The following MAST4 variants were observed in gnomAD, a reference collection of about 807,000 sequenced individuals.
The protein encoded by MAST4 is microtubule associated serine/threonine kinase family member 4, also known as microtubule-associated serine/threonine-protein kinase 4.
A neutral mutation model predicts 162.7 loss-of-function variants in MAST4; 89 were observed. That is an observed-to-expected ratio of 0.55 (90% confidence interval 0.46 to 0.65). MAST4 has a LOEUF of 0.65. MAST4 is among the 30% of genes least tolerant of loss of function. The pLI, the probability that MAST4 is intolerant of heterozygous loss-of-function variation, is 0.00. For synonymous variants in MAST4, 1,479 were observed against 1,361.1 expected (o/e 1.09, Z -1.91); for missense variants, 3,153 against 3,374.0 (o/e 0.93, Z 1.62).
intron 1 of MAST4, among the ~76,000 whole-genome samples, chr5:66,598,081 T>C (rs1299018345): frequency 6.6e-6 from 1 of 152,122 alleles, no homozygotes; most frequent in Non-Finnish European, 1.5e-5. Context: ...CTTTGTCCCT[T>C]AGAGTAAGCA....
intron 1 of MAST4, among the ~76,000 whole-genome samples, chr5:66,609,033 T>C (rs536806479): frequency 2.1e-4 from 32 of 151,932 alleles, no homozygotes; most frequent in African/African-American, 6.5e-4. Context: ...GAGTGTGGAA[T>C]TGGATCTTTC....
intron 3 of MAST4, among the ~76,000 whole-genome samples, chr5:66,789,574 C>T (rs1035247529): frequency 2.6e-5 from 4 of 152,082 alleles, no homozygotes; most frequent in Admixed American, 6.5e-5. Flanking sequence ...CTCCTCATGG[C>T]GAGATTCAGG....
At chr5:66,644,904 A>G (rs1745727567) in intron 1 of MAST4, among the ~76,000 whole-genome samples, 1 of 152,002 alleles carries the variant, frequency 6.6e-6, no homozygotes, top group Non-Finnish European at 1.5e-5. Flanking sequence ...ATCAAGGGGT[A>G]ATACCCTGAT....
chr5:67,153,865 T>C (rs1483193036), intron 26 of MAST4, among the ~76,000 whole-genome samples: 3 of 152,356 alleles, frequency 2.0e-5, no homozygotes, highest in Admixed American at 2.0e-4. Context: ...GACATCTATT[T>C]GGAGAGTCAC....
intron 3 of MAST4, among the ~76,000 whole-genome samples, chr5:66,880,383 A>C: frequency 6.6e-6 from 1 of 152,216 alleles, no homozygotes; most frequent in East Asian, 1.9e-4. Context: ...GGAGTTTTTT[A>C]AAAACTAAAT....
chr5:66,767,362 G>A (rs1338043682), intron 2 of MAST4, among the ~76,000 whole-genome samples: 1 of 152,090 alleles, frequency 6.6e-6, no homozygotes, highest in African/African-American at 2.4e-5. Context: ...ATTCTGTTTT[G>A]AGTATGTTTG....
intron 1 of MAST4, among the ~76,000 whole-genome samples, chr5:66,754,606 C>G (rs1389963067): frequency 6.6e-6 from 1 of 152,136 alleles, no homozygotes; most frequent in Non-Finnish European, 1.5e-5. Context: ...GCTCTTTCCA[C>G]CAATATTTAC....
At chr5:66,780,162 C>T (rs1425079222) in intron 2 of MAST4, among the ~76,000 whole-genome samples, 2 of 152,136 alleles carry the variant, frequency 1.3e-5, no homozygotes, top group Non-Finnish European at 2.9e-5. Context: ...TATCCATCTC[C>T]AGAACATTTT....
chr5:66,971,187 T>G (rs1747393836), intron 4 of MAST4, among the ~76,000 whole-genome samples: 1 of 152,246 alleles, frequency 6.6e-6, no homozygotes, highest in Non-Finnish European at 1.5e-5. Context: ...GTTTTAGTCC[T>G]CTGTTAAGAG....
At chr5:67,158,607 TCTAAAA>T (rs980197563) in intron 26 of MAST4, among the ~76,000 whole-genome samples, 7 of 151,702 alleles carry the variant, frequency 4.6e-5, no homozygotes, top group Non-Finnish European at 7.4e-5. Context: ...ATTAAAGAAC[TCTAAAA>T]CTAATAATAA....
intron 1 of MAST4, among the ~76,000 whole-genome samples, chr5:66,706,188 A>G (rs752014186): frequency 6.6e-6 from 1 of 152,158 alleles, no homozygotes; most frequent in African/African-American, 2.4e-5. Context: ...TTTAAGAAAT[A>G]TTGCCATACT....
intron 2 of MAST4, among the ~76,000 whole-genome samples, chr5:66,782,203 C>T (rs892581795): frequency 6.6e-6 from 1 of 151,470 alleles, no homozygotes; most frequent in South Asian, 2.1e-4. Context: ...GCAGGAAAAT[C>T]GCTTGAACCG....
chr5:66,803,042 G>A (rs905384695), intron 3 of MAST4, among the ~76,000 whole-genome samples: 8 of 152,136 alleles, frequency 5.3e-5, no homozygotes, highest in South Asian at 2.1e-4. Context: ...TAGTACTGAC[G>A]TTTCTTGGCT....
At chr5:66,847,701 A>G (rs1186541470) in intron 3 of MAST4, among the ~76,000 whole-genome samples, 1 of 151,512 alleles carries the variant, frequency 6.6e-6, no homozygotes, top group Non-Finnish European at 1.5e-5. Flanking sequence ...GGAGCCTGTA[A>G]TCCCAGCTAC....
chr5:66,634,361 G>C (rs1196846643), intron 1 of MAST4, among the ~76,000 whole-genome samples: 1 of 128,196 alleles, frequency 7.8e-6, no homozygotes, highest in African/African-American at 2.9e-5. Flanking sequence ...ACCCAGCCAT[G>C]GTTTGTTTTT....
At chr5:67,095,127 G>T (rs931163460) in intron 6 of MAST4, among the ~76,000 whole-genome samples, 5 of 152,306 alleles carry the variant, frequency 3.3e-5, no homozygotes, top group Non-Finnish European at 7.3e-5. Context: ...AGCATGATGA[G>T]TATAACTGTT....
At chr5:66,852,829 TC>T (rs1268918267) in intron 3 of MAST4, among the ~76,000 whole-genome samples, 51 of 152,278 alleles carry the variant, frequency 3.3e-4, no homozygotes, top group African/African-American at 1.2e-3. Context: ...CTATCTTCCC[TC>T]CCTAAATAGA....
At chr5:66,695,467 C>T (rs1162854616) in intron 1 of MAST4, among the ~76,000 whole-genome samples, 1 of 152,030 alleles carries the variant, frequency 6.6e-6, no homozygotes, top group Non-Finnish European at 1.5e-5. Flanking sequence ...TATCTTTGTT[C>T]TTTTTGCTTA....
intron 3 of MAST4, among the ~76,000 whole-genome samples, chr5:66,873,656 C>T (rs1449759770): frequency 1.3e-5 from 2 of 152,194 alleles, no homozygotes; most frequent in African/African-American, 2.4e-5. Context: ...GATCATTTAA[C>T]ACTGAGCCCC....
Sources: allele counts gnomAD v4.1 joint callset (sites outside exome capture counted in the v4.1 genomes callset), GRCh38; gene constraint gnomAD v4.1.1; transcripts MANE v1.5; gene names NCBI Gene and HGNC (gene_info 2026-07-23, HGNC 2026-07-21).